Variants in RPS6KA1 observed in about 807,000 individuals in gnomAD.
RPS6KA1 encodes the protein ribosomal protein S6 kinase alpha-1.
Under a neutral mutation model 91.3 loss-of-function variants are expected in RPS6KA1, and 48 were observed. The ratio of observed to expected loss-of-function variants is 0.53; its 90% confidence interval spans 0.42 to 0.67. The LOEUF (loss-of-function observed/expected upper bound fraction) is 0.67. Among genes scored for constraint, RPS6KA1 ranks in the 30% least tolerant of loss-of-function variants. The pLI, the probability that RPS6KA1 is intolerant of heterozygous loss-of-function variation, is 0.00. For synonymous variants in RPS6KA1, 359 were observed against 384.7 expected (o/e 0.93, Z 0.78); for missense variants, 719 against 960.5 (o/e 0.75, Z 3.32).
intron 15 of RPS6KA1, 72 bp from the exon 16 acceptor site, chr1:26,560,973 G>A: frequency 6.2e-7 from 1 of 1,600,314 alleles, no homozygotes; most frequent in East Asian, 2.2e-5. Context: ...AGACCTCCTG[G>A]CCTGCTCCAT....
chr1:26,541,004 G>A (rs2075942627), intron 2 of RPS6KA1, among the ~76,000 whole-genome samples: 1 of 152,100 alleles, frequency 6.6e-6, no homozygotes, highest in African/African-American at 2.4e-5. Flanking sequence ...TGGTCAGGCT[G>A]GTCTCGAACT....
chr1:26,539,235 A>G (rs1395601206), intron 2 of RPS6KA1, among the ~76,000 whole-genome samples: 4 of 152,210 alleles, frequency 2.6e-5, no homozygotes, highest in Non-Finnish European at 4.4e-5. Context: ...AGCTGATGGC[A>G]TCTGAGTTCA....
chr1:26,546,048 G>C (rs746203855), intron 2 of RPS6KA1: 3 of 1,610,546 alleles, frequency 1.9e-6, no homozygotes, highest in East Asian at 2.3e-5. Context: ...GAGTGTGCCC[G>C]AATGTCTGGT....
chr1:26,574,808 G>T lies in RPS6KA1; in HGVS notation c.*607G>T. On this transcript the variant is annotated 3_prime_UTR_variant, in exon 22 of 22. Coordinates refer to ENST00000374168, the MANE Select transcript of RPS6KA1 (RefSeq NM_002953.4). The surrounding 1 kb of genome is among the most constrained non-coding windows in gnomAD (Gnocchi z 4.3). ...GCTTCAGGCACCAGCATCCACCTTG[G>T]CTCTGCCAGTGGATCCCCTGCGGTC... 4.1e-6 allele frequency: 1 copy of T among 243,868 alleles called. No individual in the cohort carries two copies. The highest frequency in any genetic ancestry group is 2.3e-5 in the African/African-American group (1 of 43,540). 15.1% of individuals were successfully genotyped at this position (243,868 alleles called of 1,614,324 possible).
chr1:26,569,045 G>A (rs2076227552), intron 17 of RPS6KA1, among the ~76,000 whole-genome samples: 1 of 152,016 alleles, frequency 6.6e-6, no homozygotes, highest in Non-Finnish European at 1.5e-5. Flanking sequence ...ACAAAAATTA[G>A]CCAGGCATGG....
chr1:26,563,902 C>T (rs987936982), intron 17 of RPS6KA1, among the ~76,000 whole-genome samples: 3 of 152,120 alleles, frequency 2.0e-5, no homozygotes, highest in Admixed American at 6.5e-5. Flanking sequence ...ATGGGCAGAT[C>T]ACTTGAGGCC....
At position 26,560,825 on chromosome 1, in the gene RPS6KA1, G is replaced by A. The variant is rs778887163; in HGVS notation, c.1315G>A (p.Ala439Thr). 5 of 1,614,216 alleles carry A rather than the reference G, an allele frequency of 3.1e-6. No individual in the cohort carries two copies. Among genetic ancestry groups the A allele is most frequent in the Middle Eastern group, 1.6e-4 (1 of 6,062 alleles). ...TGAGTGCAAGCGCTGTGTCCACAAG[G>A]CCACCAACATGGAGTATGCTGTCAA... ...YSECKRCVHK[A>T]TNMEYAVKVI... The change falls in exon 15 of 22, where the codon GCC becomes ACC. Residue 439 changes from alanine (A) to threonine (T), a missense_variant. Ala to Thr is a moderately conservative substitution (Grantham distance 58). Coordinates refer to ENST00000374168, the MANE Select transcript of RPS6KA1 (RefSeq NM_002953.4).
At chr1:26,564,228 C>A (rs1318706996) in intron 17 of RPS6KA1, among the ~76,000 whole-genome samples, 1 of 152,096 alleles carries the variant, frequency 6.6e-6, no homozygotes, top group Non-Finnish European at 1.5e-5. Context: ...TGCTGCCTAC[C>A]TTTTTAAATT....
At chr1:26,572,709 G>A (rs979895373) in intron 20 of RPS6KA1, among the ~76,000 whole-genome samples, 6 of 152,202 alleles carry the variant, frequency 3.9e-5, no homozygotes, top group African/African-American at 7.2e-5. Flanking sequence ...CCTCCTCGGA[G>A]GAAGTAGCAT....
At chr1:26,552,849 A>C in intron 6 of RPS6KA1, 1 of 422,660 alleles carries the variant, frequency 2.4e-6, no homozygotes, top group Non-Finnish European at 4.7e-6. Context: ...AAAAATATTC[A>C]TGAAGAAGTC....
rs1302161080 is a variant in RPS6KA1 at position 26,553,510 on chromosome 1, T to C, written c.575+13T>C. ...TCAAGCCTGAGAAGTGAGTGAAGCC[T>C]CCAGCCCCACCCCAGCCTCCCCAGG... On this transcript the variant is annotated intron_variant, in intron 7 of 21. Coordinates refer to ENST00000374168, the MANE Select transcript of RPS6KA1 (RefSeq NM_002953.4). The C allele has an allele frequency of 1.3e-6, 2 of 1,573,598 alleles. No homozygotes were observed. The highest frequency in any genetic ancestry group is 1.7e-5 in the Admixed American group (1 of 59,378).
rs369922928 is a variant in RPS6KA1 at position 26,561,660 on chromosome 1, G to A, written c.1587G>A (p.Gln529=). The change falls in exon 17 of 22, where the codon CAG becomes CAA. Residue 529 remains glutamine (Q), a synonymous_variant. Coordinates refer to ENST00000374168, the MANE Select transcript of RPS6KA1 (RefSeq NM_002953.4). This position sits in a 1 kb window ranked among gnomAD's most constrained non-coding sequence, Gnocchi z 5.7. ...IGKTVEYLHS[Q]GVVHRDLKPS... is the part of the protein sequence containing the mutation. ...AAACTGTGGAGTATCTGCACTCACA[G>A]GGGGTGAGTCTGGATTCGGGGAGGC... The A allele has an allele frequency of 6.2e-7, 1 of 1,600,886 alleles. No individual in the cohort carries two copies. Among genetic ancestry groups the A allele is most frequent in the Non-Finnish European group, 8.5e-7 (1 of 1,172,064 alleles).
intron 2 of RPS6KA1, 108 bp downstream of exon 2, chr1:26,537,077 C>A: frequency 1.7e-6 from 2 of 1,190,628 alleles, no homozygotes; most frequent in South Asian, 1.2e-5. Flanking sequence ...CCCAACTCAG[C>A]CGTCCTTCTC....
At chr1:26,559,582 G>A (rs2076136734) in intron 14 of RPS6KA1, among the ~76,000 whole-genome samples, 1 of 138,218 alleles carries the variant, frequency 7.2e-6, no homozygotes, top group Non-Finnish European at 1.5e-5. Context: ...GTTTTACCAT[G>A]TTGGCTAGGC....
In RPS6KA1 at chr1:26,547,590, G is replaced by A; in HGVS notation, c.307+320G>A. On this transcript the variant is annotated intron_variant, in intron 4 of 21. Coordinates refer to ENST00000374168, the MANE Select transcript of RPS6KA1 (RefSeq NM_002953.4). The surrounding 1 kb of genome is among the most constrained non-coding windows in gnomAD (Gnocchi z 4.1). ...CTGTTGATGCTAGAAGAGTCTGGGG[G>A]AGACCTCTGTGGCCCCTAACTCAGG... 3.3e-6 allele frequency: 1 copy of A among 306,636 alleles called. No homozygotes were observed. Among genetic ancestry groups the A allele is most frequent in the Non-Finnish European group, 6.4e-6 (1 of 155,066 alleles). The allele number at this position is 306,636 out of a possible 1,614,324, so 19.0% of individuals were successfully genotyped here. A position where few individuals can be genotyped will look rare whatever the true frequency, so the allele number is the denominator to read the frequency against.
rs778508186 is a variant in RPS6KA1, at chr1:26,545,988, AC to A, written c.109-877del. 5 of 1,609,668 alleles carry A rather than the reference AC, an allele frequency of 3.1e-6. No homozygotes were observed. The Admixed American group carries it at 8.4e-5, about 27-fold the overall frequency. ...GAAGCAGCGGCCCAGGATCAGCCAG[AC>A]CTCTCTGCCTGTCCCTGGCCCTGGC... On this transcript the variant is annotated intron_variant, in intron 2 of 21. Coordinates refer to ENST00000374168, the MANE Select transcript of RPS6KA1 (RefSeq NM_002953.4).
At chr1:26,530,027 C>T (rs957197128) in intron 1 of RPS6KA1, 44 bp downstream of exon 1, 1 of 1,279,248 alleles carries the variant, frequency 7.8e-7, no homozygotes, top group Non-Finnish European at 9.9e-7. Flanking sequence ...GCCGGCGAGC[C>T]CGGATCCTCA....
rs1262565303 is a variant in RPS6KA1, at chr1:26,551,240, G to T, written c.308-157G>T. The stretch of plus-strand genomic sequence containing the variant: ...GAGCCAGAAACAGACTGGCAAGGAG[G>T]AAACCTGAGGATTGAGTGTCCCCAA... On this transcript the variant is annotated intron_variant, in intron 4 of 21. Transcript: ENST00000374168. This position sits in a 1 kb window ranked among gnomAD's most constrained non-coding sequence, Gnocchi z 4.5. Among the ~76,000 whole-genome samples, 1 of 152,186 alleles carries T rather than the reference G, an allele frequency of 6.6e-6. No homozygotes were observed. The highest frequency in any genetic ancestry group is 1.9e-4 in the East Asian group (1 of 5,194).
At chr1:26,530,084 G>T in intron 1 of RPS6KA1, 101 bp downstream of exon 1, 1 of 698,032 alleles carries the variant, frequency 1.4e-6, no homozygotes, top group Non-Finnish European at 2.0e-6. Flanking sequence ...GCGGGCGCCC[G>T]CGAGGGCGCG....
Sources: gnomAD v4.1 joint callset for allele counts (sites outside exome capture counted in the v4.1 genomes callset) on GRCh38, gnomAD v4.1.1 for gene constraint, Gnocchi (gnomAD v3.1) non-coding constraint, MANE v1.5 for transcripts, NCBI Gene and HGNC (gene_info 2026-07-23, HGNC 2026-07-21) for gene names.